Variants in INPP4B observed in about 807,000 individuals in gnomAD.
INPP4B encodes inositol polyphosphate 4-phosphatase type II.
INPP4B carries 55 observed loss-of-function variants against 122.5 expected under a neutral mutation model. The ratio of observed to expected loss-of-function variants is 0.45; its 90% CI spans 0.36 to 0.56. The LOEUF is 0.56. INPP4B is among the 20% of genes least tolerant of loss of function. The pLI is 0.00. For missense variants in INPP4B, 1,000 were observed against 1,097.7 expected (o/e 0.91, Z 1.26); for synonymous variants, 403 against 388.7 (o/e 1.04, Z -0.43).
At chr4:142,336,272 T>C (rs1219100219) in intron 7 of INPP4B, among the ~76,000 whole-genome samples, 3 of 152,216 alleles carry the variant, frequency 2.0e-5, no homozygotes, top group Non-Finnish European at 4.4e-5. Context: ...AAAGGAGCTG[T>C]AATACTGTAA....
intron 2 of INPP4B, among the ~76,000 whole-genome samples, chr4:142,670,864 A>G (rs969128646): frequency 1.3e-5 from 2 of 152,160 alleles, no homozygotes; most frequent in African/African-American, 2.4e-5. Context: ...AGAATCAGTC[A>G]TTCCACAAAT....
intron 25 of INPP4B, among the ~76,000 whole-genome samples, chr4:142,038,558 A>T (rs1034097607): frequency 1.3e-5 from 2 of 152,176 alleles, no homozygotes; most frequent in African/African-American, 4.8e-5. Context: ...TTTTCTTGAC[A>T]TGGTATTCTA....
intron 5 of INPP4B, among the ~76,000 whole-genome samples, chr4:142,428,194 T>A (rs924508009): frequency 6.6e-6 from 1 of 151,322 alleles, no homozygotes; most frequent in Non-Finnish European, 1.5e-5. Context: ...TAAAAATGCA[T>A]GTTCCTAAAA....
intron 23 of INPP4B, among the ~76,000 whole-genome samples, chr4:142,088,504 T>TTGTGTG (rs3836670): frequency 6.6e-6 from 1 of 150,846 alleles, no homozygotes; most frequent in Non-Finnish European, 1.5e-5. Flanking sequence ...CAATGTGTGC[T>TTGTGTG]TGTGTGTGTG....
intron 1 of INPP4B, among the ~76,000 whole-genome samples, chr4:142,777,412 G>A (rs1416984437): frequency 6.6e-6 from 1 of 152,068 alleles, no homozygotes; most frequent in Non-Finnish European, 1.5e-5. Flanking sequence ...GCCTCTAGTA[G>A]CTGAGGGCCT....
At chr4:142,532,193 T>C (rs1235571000) in intron 2 of INPP4B, among the ~76,000 whole-genome samples, 1 of 152,186 alleles carries the variant, frequency 6.6e-6, no homozygotes, top group African/African-American at 2.4e-5. Flanking sequence ...GTTCCTAAGA[T>C]AATGAAAAAA....
chr4:142,842,309 T>C (rs921355523), intron 1 of INPP4B, among the ~76,000 whole-genome samples: 1 of 151,428 alleles, frequency 6.6e-6, no homozygotes, highest in African/African-American at 2.4e-5. Context: ...GGACATATAC[T>C]GTATTGAAAC....
intron 3 of INPP4B, among the ~76,000 whole-genome samples, chr4:142,455,005 A>G (rs1815086869): frequency 6.6e-6 from 1 of 151,980 alleles, no homozygotes; most frequent in South Asian, 2.1e-4. Flanking sequence ...TTGTTTTCTC[A>G]TGGTTTTGAA....
chr4:142,421,355 G>A (rs1049402962), intron 5 of INPP4B, among the ~76,000 whole-genome samples: 3 of 152,088 alleles, frequency 2.0e-5, no homozygotes, highest in African/African-American at 7.2e-5. Context: ...GCAATTAGAG[G>A]CACAGCCTGC....
intron 18 of INPP4B, among the ~76,000 whole-genome samples, chr4:142,137,128 C>G (rs1391110063): frequency 6.6e-6 from 1 of 152,204 alleles, no homozygotes; most frequent in Admixed American, 6.5e-5. Flanking sequence ...TACCTGACTT[C>G]AAACTATACT....
At chr4:142,550,106 A>G (rs1301829017) in intron 2 of INPP4B, among the ~76,000 whole-genome samples, 1 of 152,164 alleles carries the variant, frequency 6.6e-6, no homozygotes, top group African/African-American at 2.4e-5. Context: ...CTAGGGTGCC[A>G]CAACAACAAG....
intron 2 of INPP4B, among the ~76,000 whole-genome samples, chr4:142,631,684 G>C (rs867526830): frequency 1.3e-5 from 2 of 152,026 alleles, no homozygotes; most frequent in Admixed American, 6.6e-5. Flanking sequence ...AATATCTTAA[G>C]AGGTAGAAAA....
At chr4:142,637,738 T>C (rs1348354803) in intron 2 of INPP4B, among the ~76,000 whole-genome samples, 2 of 152,234 alleles carry the variant, frequency 1.3e-5, no homozygotes, top group Non-Finnish European at 2.9e-5. Flanking sequence ...CTGGATCTTA[T>C]GGTAAGAGTA....
At chr4:142,843,463 C>T (rs545033753) in intron 1 of INPP4B, among the ~76,000 whole-genome samples, 1 of 151,800 alleles carries the variant, frequency 6.6e-6, no homozygotes, top group Non-Finnish European at 1.5e-5. Context: ...GTACATAATA[C>T]AGAAGAGACT....
chr4:142,583,642 C>T (rs889332343), intron 2 of INPP4B: 3 of 152,132 alleles, frequency 2.0e-5, no homozygotes, highest in African/African-American at 7.2e-5. Context: ...AATATACAAA[C>T]AGCGTGTGAA....
In INPP4B at chr4:142,423,634, C is replaced by T. The variant is rs115488721; in HGVS notation, c.136+5539G>A. The T allele has an allele frequency of 3.2e-3, 843 of 264,082 alleles. 2 individuals are homozygous for T. Among genetic ancestry groups the T allele is most frequent in the African/African-American group, 0.019 (806 of 43,368 alleles). 16.4% of individuals were successfully genotyped at this position (264,082 alleles called of 1,614,324 possible). ...AGGACCTCTTGTCATTGTACCAGTA[C>T]ATATTGTTGTGAAAAAACTGAATTT... On this transcript the variant is annotated intron_variant, in intron 5 of 25. Coordinates refer to ENST00000262992, the MANE Select transcript of INPP4B (RefSeq NM_001101669.3).
chr4:142,121,762 T>A (rs1035767948), intron 21 of INPP4B, among the ~76,000 whole-genome samples: 1 of 152,114 alleles, frequency 6.6e-6, no homozygotes, highest in Non-Finnish European at 1.5e-5. Context: ...TTTAAAGTCA[T>A]TTCAAGAATT....
At chr4:142,090,306 C>T (rs1441168058) in intron 23 of INPP4B, among the ~76,000 whole-genome samples, 1 of 145,022 alleles carries the variant, frequency 6.9e-6, no homozygotes. Flanking sequence ...TTTTTTTTAA[C>T]ATTTTTAGGC....
chr4:142,285,701 C>G (rs1009496419), intron 9 of INPP4B, among the ~76,000 whole-genome samples: 8 of 151,908 alleles, frequency 5.3e-5, no homozygotes, highest in African/African-American at 1.9e-4. Context: ...AGTTGGAGAG[C>G]AGAGGCTGCT....
Sources: allele counts gnomAD v4.1 joint callset (sites outside exome capture counted in the v4.1 genomes callset), GRCh38; gene constraint gnomAD v4.1.1; transcripts MANE v1.5; gene names NCBI Gene and HGNC (gene_info 2026-07-23, HGNC 2026-07-21).